AP1S1: variants seen among roughly 807,000 people sequenced by gnomAD.
The protein encoded by AP1S1 is adaptor related protein complex 1 subunit sigma 1.
In AP1S1, 13 loss-of-function variants were observed where a neutral mutation model predicts 23.9. The ratio of observed to expected loss-of-function variants is 0.54; its 90% CI spans 0.35 to 0.86. The LOEUF (loss-of-function observed/expected upper bound fraction) is 0.86, where lower values mean the gene tolerates loss of function less well. Ranked by LOEUF, AP1S1 falls within the 40% of genes least tolerant of loss-of-function variation. The pLI is 0.01. For synonymous variants in AP1S1, 84 were observed against 77.7 expected (o/e 1.08, Z -0.43); for missense variants, 119 against 197.6 (o/e 0.60, Z 2.38).
chr7:101,155,612 A>G (rs911710223), intron 1 of AP1S1, among the ~76,000 whole-genome samples: 1 of 152,228 alleles, frequency 6.6e-6, no homozygotes, highest in African/African-American at 2.4e-5. Context: ...AGAGAGGAAG[A>G]TAGGATTTGG....
chr7:101,156,469 C>T, intron 1 of AP1S1, 125 bp from the exon 2 acceptor site: 2 of 1,151,566 alleles, frequency 1.7e-6, no homozygotes, highest in Admixed American at 2.6e-5. Context: ...CTTCCCCCTG[C>T]TGGTGGAAAC....
intron 4 of AP1S1, 101 bp downstream of exon 4, chr7:101,159,297 G>GA (rs1797046968): frequency 6.7e-7 from 1 of 1,493,844 alleles, no homozygotes; most frequent in Non-Finnish European, 9.0e-7. Context: ...CGTCGCCAAG[G>GA]AGCCCCCCCT....
chr7:101,159,501 A>C, intron 4 of AP1S1: 1 of 391,696 alleles, frequency 2.6e-6, no homozygotes, highest in Non-Finnish European at 4.6e-6. Flanking sequence ...AAGGCTTAAC[A>C]CCAAAGGGTT....
chr7:101,154,563 G>A (rs894292876), intron 1 of AP1S1, 46 bp downstream of exon 1: 2 of 1,549,192 alleles, frequency 1.3e-6, no homozygotes, highest in South Asian at 1.2e-5. Context: ...AGGGGCGTGG[G>A]CTGCACCTGC....
chr7:101,159,367 C>T (rs1285555527), intron 4 of AP1S1, 171 bp downstream of exon 4: 2 of 960,026 alleles, frequency 2.1e-6, no homozygotes, highest in East Asian at 2.8e-5. Flanking sequence ...AGCCCTGACC[C>T]CATGGGGTGG....
chr7:101,160,596 G>T lies in AP1S1; in HGVS notation c.*30G>T. The T allele has an allele frequency of 6.2e-7, 1 of 1,608,712 alleles. No homozygotes were observed. On this transcript the variant is annotated 3_prime_UTR_variant, in exon 5 of 5. Transcript: ENST00000337619. ...TGCTGGGCCGGGGTGTGGCGATGGG[G>T]TCCTGGCAGCGTGGCGGGAACGGCT...
chr7:101,156,868 G>A, intron 2 of AP1S1, 96 bp downstream of exon 2: 1 of 1,109,534 alleles, frequency 9.0e-7, no homozygotes, highest in Non-Finnish European at 1.2e-6. Context: ...AGGGAGACCT[G>A]GGAGCTGAGG....
At position 101,160,981 on chromosome 7, in the gene AP1S1, A is replaced by G. The variant is rs1797096609; in HGVS notation, c.*415A>G. On this transcript the variant is annotated 3_prime_UTR_variant, in exon 5 of 5. Coordinates refer to ENST00000337619, the MANE Select transcript of AP1S1 (RefSeq NM_001283.5). ...ACCTACCTCCACCCTCCCCCTAGCC[A>G]GCCAGGCAGCTTCTCTGCCTGGGAG... is the stretch of plus-strand genomic sequence containing the variant. 2.9e-6 allele frequency: 1 copy of G among 346,308 alleles called. No individual in the cohort carries two copies. The highest frequency in any genetic ancestry group is 2.2e-5 in the African/African-American group (1 of 46,272). 21.5% of individuals were successfully genotyped at this position (346,308 alleles called of 1,614,324 possible). A position where few individuals can be genotyped will look rare whatever the true frequency, so the allele number is the denominator to read the frequency against.
intron 4 of AP1S1, 38 bp downstream of exon 4, chr7:101,159,234 A>C (rs929324105): frequency 6.4e-7 from 1 of 1,574,252 alleles, no homozygotes; most frequent in Non-Finnish European, 8.6e-7. Context: ...GAGGAAGCGC[A>C]CAGTGGCGGA....
chr7:101,159,276 G>A (rs1303211620), intron 4 of AP1S1, 80 bp downstream of exon 4: 6 of 1,528,900 alleles, frequency 3.9e-6, no homozygotes, highest in Non-Finnish European at 5.3e-6. Flanking sequence ...CACCCGGCCT[G>A]CCCTGCCCAC....
intron 1 of AP1S1, chr7:101,155,144 T>C: frequency 1.7e-6 from 1 of 581,384 alleles, no homozygotes; most frequent in Non-Finnish European, 2.2e-6. Flanking sequence ...AGGCCTTCCG[T>C]CTTCCTGCTT....
At position 101,160,500 on chromosome 7, in the gene AP1S1, C is replaced by T. The variant is rs773019564; in HGVS notation, c.430-19C>T. The T allele has an allele frequency of 1.9e-6, 3 of 1,610,396 alleles. No homozygotes were observed. Among genetic ancestry groups the T allele is most frequent in the Admixed American group, 3.3e-5 (2 of 60,020 alleles). On this transcript the variant is annotated intron_variant, in intron 4 of 4. Transcript: ENST00000337619. Reference sequence around the variant, plus strand: ...TCTCCTGGTGTCTCTGCGTCACCCTCTGTCTGTCTCTGCCTTAGGAGGATG... The same window carrying T: ...TCTCCTGGTGTCTCTGCGTCACCCTTTGTCTGTCTCTGCCTTAGGAGGATG...
At chr7:101,159,945 G>C (rs1408361410) in intron 4 of AP1S1, among the ~76,000 whole-genome samples, 1 of 142,204 alleles carries the variant, frequency 7.0e-6, no homozygotes, top group Non-Finnish European at 1.5e-5. Context: ...CACTGGTCGA[G>C]CTTCACCTTC....
Position 101,157,374 on chromosome 7 carries a change from C to T in AP1S1, c.183-3C>T. ...GCGATGTCTCATGCGCTCCTCTCCG[C>T]AGATATGCCAGCCTCTACTTCTGCT... is the stretch of plus-strand genomic sequence containing the variant. On this transcript the variant is annotated splice_region_variant and splice_polypyrimidine_tract_variant and intron_variant, in intron 2 of 4. Coordinates refer to ENST00000337619, the MANE Select transcript of AP1S1 (RefSeq NM_001283.5). The T allele has an allele frequency of 1.3e-6, 2 of 1,563,250 alleles. No individual in the cohort carries two copies. The highest frequency in any genetic ancestry group is 2.4e-5 in the South Asian group (2 of 84,718).
chr7:101,158,586 G>T (rs575967062), intron 3 of AP1S1, among the ~76,000 whole-genome samples: 5 of 152,274 alleles, frequency 3.3e-5, no homozygotes, highest in South Asian at 4.1e-4. Flanking sequence ...CAGGAGGAAA[G>T]ATGCAAGAGG....
rs1050162552 is a variant in AP1S1 at position 101,154,953 on chromosome 7, G to A, written c.3+436G>A. 4.8e-6 allele frequency: 5 copies of A among 1,036,188 alleles called. No individual in the cohort carries two copies. In the African/African-American group the frequency reaches 6.8e-5, roughly 14 times the overall value. 64.2% of individuals were successfully genotyped at this position (1,036,188 alleles called of 1,614,324 possible). Reference sequence around the variant, plus strand: ...GGACCCGGGTGGGGAGAGGGGTGTGGGAGGGGAGTTTCCGGGTCGGAAAAG... The same window carrying A: ...GGACCCGGGTGGGGAGAGGGGTGTGAGAGGGGAGTTTCCGGGTCGGAAAAG... On this transcript the variant is annotated intron_variant, in intron 1 of 4. Transcript: ENST00000337619.
intron 3 of AP1S1, among the ~76,000 whole-genome samples, chr7:101,157,853 C>G (rs1469229507): frequency 1.3e-5 from 2 of 152,210 alleles, no homozygotes; most frequent in African/African-American, 4.8e-5. Flanking sequence ...GTGGCACAAT[C>G]GTAGCTCACT....
At chr7:101,157,137 C>T (rs944992283) in intron 2 of AP1S1, among the ~76,000 whole-genome samples, 1 of 152,118 alleles carries the variant, frequency 6.6e-6, no homozygotes, top group Non-Finnish European at 1.5e-5. Flanking sequence ...TTACTTGGCT[C>T]AGGTTTTTGC....
rs1301856036 is a variant in AP1S1 at position 101,156,715 on chromosome 7, G to A, written c.125G>A (p.Arg42Gln). 3 of 1,604,660 alleles carry A rather than the reference G, an allele frequency of 1.9e-6. No homozygotes were observed. The highest frequency in any genetic ancestry group is 2.6e-6 in the Non-Finnish European group (3 of 1,175,410). ...GAGCTCATGCAGGTTGTCCTGGCTC[G>A]AAAGCCCAAGATGTGCAGCTTCCTG... ...VRELMQVVLA[R>Q]KPKMCSFLEW... The change falls in exon 2 of 5, where the codon CGA (arginine) becomes CAA (glutamine). Residue 42 changes from arginine (R) to glutamine (Q), a missense_variant. Coordinates refer to ENST00000337619, the MANE Select transcript of AP1S1 (RefSeq NM_001283.5).
Sources: allele counts gnomAD v4.1 joint callset (sites outside exome capture counted in the v4.1 genomes callset), GRCh38; gene constraint gnomAD v4.1.1; transcripts MANE v1.5; gene names NCBI Gene and HGNC (gene_info 2026-07-23, HGNC 2026-07-21).